Variants in CACNA1C observed in about 807,000 individuals in gnomAD.
CACNA1C encodes calcium voltage-gated channel subunit alpha1 C.
Under a neutral mutation model 229.0 loss-of-function variants are expected in CACNA1C, and 30 were observed. The observed-to-expected ratio is 0.13, with a 90% CI of 0.10 to 0.18. The LOEUF (loss-of-function observed/expected upper bound fraction) is 0.18, where lower values mean the gene tolerates loss of function less well. Ranked by LOEUF, CACNA1C falls within the 10% of genes least tolerant of loss-of-function variation. The probability of loss-of-function intolerance (pLI) is 1.00; values close to 1 mark genes in which losing one functional copy is unlikely to be tolerated. For synonymous variants in CACNA1C, 1,114 were observed against 1,132.5 expected, an observed-to-expected ratio of 0.98 and a Z score of 0.33; for missense variants, 1,658 against 2,845.0, an observed-to-expected ratio of 0.58 and a Z score of 9.49.
intron 3 of CACNA1C, among the ~76,000 whole-genome samples, chr12:2,221,275 T>G (rs892142406): frequency 3.9e-5 from 6 of 152,120 alleles, no homozygotes; most frequent in African/African-American, 1.4e-4. Context: ...TGACGTGTCT[T>G]TTTTATTTTT....
rs116627804 is a variant in CACNA1C, at chr12:2,067,597, G to A, written c.49+13986G>A. On this transcript the variant is annotated intron_variant, in intron 1 of 46. Coordinates refer to ENST00000399655, the MANE Select transcript of CACNA1C (RefSeq NM_000719.7). This position sits in a 1 kb window ranked among gnomAD's most constrained non-coding sequence, Gnocchi z 5.3. Reference sequence around the variant, plus strand: ...GCTGACACCAAAGCAGAGAGAGCTCGTGGTGTGCAGCCCTGAGGTCACGTT... The same window carrying A: ...GCTGACACCAAAGCAGAGAGAGCTCATGGTGTGCAGCCCTGAGGTCACGTT... Among the ~76,000 whole-genome samples the A allele has an allele frequency of 3.7e-3, 567 of 152,232 alleles. 3 individuals carry two copies. Among genetic ancestry groups the A allele is most frequent in the African/African-American group, 0.013 (547 of 41,526 alleles).
At chr12:2,413,835 C>G (rs554697017) in intron 3 of CACNA1C, among the ~76,000 whole-genome samples, 1 of 152,214 alleles carries the variant, frequency 6.6e-6, no homozygotes, top group Non-Finnish European at 1.5e-5. Context: ...TCAAATGCCT[C>G]CCGTTCCTGA....
chr12:2,593,029 G>C (rs577569224), intron 18 of CACNA1C, among the ~76,000 whole-genome samples, 184 bp from the exon 19 acceptor site: 1 of 152,308 alleles, frequency 6.6e-6, no homozygotes, highest in South Asian at 2.1e-4. Context: ...TGCACTGCCA[G>C]ATACGACTTC....
In CACNA1C at chr12:2,679,713, G is replaced by A. The variant is rs1051375; in HGVS notation, c.5361G>A (p.Thr1787=). The change falls in exon 42 of 47, where the codon ACG becomes ACA. Residue 1787 remains threonine (T), a synonymous_variant. Transcript: ENST00000399655. This position sits in a 1 kb window ranked among gnomAD's most constrained non-coding sequence, Gnocchi z 5.5. ...RLPRPAGYPS[T]VSTVEGHGPP... ...CTCGCCCCGCCGGCTACCCCAGCAC[G>A]GTCAGCACTGTGGAGGGCCACGGGC... 0.69 allele frequency: 1,116,469 copies of A among 1,608,514 alleles called. 398,256 individuals are homozygous for A. The highest frequency in any genetic ancestry group is 0.73 in the Non-Finnish European group (859,934 of 1,177,250).
chr12:2,651,417 C>A lies in CACNA1C; in HGVS notation c.3946-223C>A. Reference sequence around the variant, plus strand: ...GAGAATAAAAACACAGGACCACAGCCCAGCGGCCTGGGCACAGTCTAGCTC... The same window carrying A: ...GAGAATAAAAACACAGGACCACAGCACAGCGGCCTGGGCACAGTCTAGCTC... On this transcript the variant is annotated intron_variant, in intron 31 of 46. Coordinates refer to ENST00000399655, the MANE Select transcript of CACNA1C (RefSeq NM_000719.7). This position sits in a 1 kb window ranked among gnomAD's most constrained non-coding sequence, Gnocchi z 5.4. 1 of 595,114 alleles carries A rather than the reference C, an allele frequency of 1.7e-6. No homozygotes were observed. The highest frequency in any genetic ancestry group is 3.0e-6 in the Non-Finnish European group (1 of 337,174). 36.9% of individuals were successfully genotyped at this position (595,114 alleles called of 1,614,324 possible). A position where few individuals can be genotyped will look rare whatever the true frequency, so the allele number is the denominator to read the frequency against.
intron 3 of CACNA1C, among the ~76,000 whole-genome samples, chr12:2,254,548 A>G (rs1286236758): frequency 6.6e-6 from 1 of 152,138 alleles, no homozygotes; most frequent in Non-Finnish European, 1.5e-5. Context: ...GCAAACTGGC[A>G]CAGGGGATGT....
intron 1 of CACNA1C, among the ~76,000 whole-genome samples, chr12:2,110,353 C>A (rs1447151068): frequency 2.0e-5 from 3 of 152,168 alleles, no homozygotes; most frequent in Non-Finnish European, 4.4e-5. Context: ...CTGCTGGGGG[C>A]ACCTACCTGT....
At chr12:2,471,370 A>G (rs1211808237) in intron 5 of CACNA1C, among the ~76,000 whole-genome samples, 1 of 152,198 alleles carries the variant, frequency 6.6e-6, no homozygotes, top group Non-Finnish European at 1.5e-5. Flanking sequence ...GGGAAAAAAT[A>G]AAACATAGTA....
At chr12:2,593,668 C>T (rs1267301281) in intron 19 of CACNA1C, among the ~76,000 whole-genome samples, 6 of 152,250 alleles carry the variant, frequency 3.9e-5, no homozygotes, top group South Asian at 2.1e-4. Context: ...ATAGAGTGAC[C>T]TTAGACTATT....
rs73607725 is a variant in CACNA1C at position 2,377,600 on chromosome 12, C to T, written c.478-71376C>T. 4.2e-3 allele frequency among the ~76,000 whole-genome samples: 637 copies of T among 152,320 alleles called. 2 individuals carry two copies. The highest frequency in any genetic ancestry group is 0.015 in the South Asian group (72 of 4,824). Reference sequence around the variant, plus strand: ...GGAAATACTAAAGAAACACCCCATACCTCCTTCACCACAGCCACAGGTACT... The same window carrying T: ...GGAAATACTAAAGAAACACCCCATATCTCCTTCACCACAGCCACAGGTACT... On this transcript the variant is annotated intron_variant, in intron 3 of 46. Transcript: ENST00000399655.
intron 3 of CACNA1C, among the ~76,000 whole-genome samples, chr12:2,186,746 C>T (rs1353332743): frequency 1.3e-5 from 2 of 152,178 alleles, no homozygotes; most frequent in Admixed American, 6.5e-5. Flanking sequence ...TCAACACGAC[C>T]TCCTTTAATC....
chr12:2,583,830 C>T (rs547393629), intron 15 of CACNA1C, among the ~76,000 whole-genome samples: 13 of 152,350 alleles, frequency 8.5e-5, no homozygotes, highest in South Asian at 2.1e-4. Flanking sequence ...TGGGTTGCTG[C>T]GGCTTCCCTG....
Position 2,019,583 on chromosome 12 carries a change from G to GAA in CACNA1C, c.139+48383_139+48384insAA, listed in dbSNP as rs2046057276. ...GAAGGAAGGAAAGAAAAGAAAGAGA[G>GAA]AGAGAAAGAAAGAGAAGGAAAGAAA... On this transcript the variant is annotated intron_variant, in intron 1 of 46. Transcript: ENST00000682462. 2.1e-5 allele frequency among the ~76,000 whole-genome samples: 3 copies of GAA among 141,844 alleles called. No homozygotes were observed. The South Asian group carries it at 7.3e-4, about 34-fold the overall frequency. 93.1% of individuals were successfully genotyped at this position (141,844 alleles called of 152,430 possible).
intron 9 of CACNA1C, among the ~76,000 whole-genome samples, 193 bp from the exon 10 acceptor site, chr12:2,549,750 C>A (rs2099893554): frequency 6.6e-6 from 1 of 152,190 alleles, no homozygotes; most frequent in African/African-American, 2.4e-5. Flanking sequence ...TTCTTGGCGG[C>A]AAAACCTGCC....
At chr12:2,148,642 G>C (rs1282652856) in intron 3 of CACNA1C, among the ~76,000 whole-genome samples, 1 of 151,136 alleles carries the variant, frequency 6.6e-6, no homozygotes, top group Non-Finnish European at 1.5e-5. Flanking sequence ...CTGCCTCCTG[G>C]GCTCAAGCGA....
Position 2,696,815 on chromosome 12 carries a change from C to A in CACNA1C, c.*5616C>A, listed in dbSNP as rs2097845669. 1 of 152,062 alleles carries A rather than the reference C, an allele frequency of 6.6e-6. No individual in the cohort carries two copies. Among genetic ancestry groups the A allele is most frequent in the Non-Finnish European group, 1.5e-5 (1 of 68,010 alleles). The allele number at this position is 152,062 out of a possible 1,614,324, so 9.4% of individuals were successfully genotyped here. On this transcript the variant is annotated 3_prime_UTR_variant, in exon 47 of 47. Coordinates refer to ENST00000399655, the MANE Select transcript of CACNA1C (RefSeq NM_000719.7). Reference sequence around the variant, plus strand: ...CAGGCACCAGGCCAAGCAGTGGCTCCCTTGCCAAGGAACCTGAGGCTGCAG... The same window carrying A: ...CAGGCACCAGGCCAAGCAGTGGCTCACTTGCCAAGGAACCTGAGGCTGCAG...
chr12:2,435,393 C>G (rs2099124601), intron 3 of CACNA1C, among the ~76,000 whole-genome samples: 1 of 152,218 alleles, frequency 6.6e-6, no homozygotes, highest in African/African-American at 2.4e-5. Flanking sequence ...CTGTGCACCC[C>G]AAAGGCAGGG....
chr12:2,388,341 T>C (rs2098429309), intron 3 of CACNA1C, among the ~76,000 whole-genome samples: 1 of 152,236 alleles, frequency 6.6e-6, no homozygotes. Flanking sequence ...CTATGGTGAC[T>C]ATGAGGTGAT....
At chr12:2,170,328 G>A (rs956061590) in intron 3 of CACNA1C, among the ~76,000 whole-genome samples, 4 of 152,178 alleles carry the variant, frequency 2.6e-5, no homozygotes, top group African/African-American at 7.2e-5. Flanking sequence ...TTTACCTGCC[G>A]TGACTGAGAT....
Sources: gnomAD v4.1 joint callset for allele counts (sites outside exome capture counted in the v4.1 genomes callset) on GRCh38, gnomAD v4.1.1 for gene constraint, Gnocchi (gnomAD v3.1) non-coding constraint, MANE v1.5 for transcripts, NCBI Gene and HGNC (gene_info 2026-07-23, HGNC 2026-07-21) for gene names.